Variants in ZNF469 observed in about 807,000 individuals in gnomAD.
ZNF469 encodes zinc finger protein 469.
A neutral mutation model predicts 1.0 loss-of-function variants in ZNF469; 1 was observed. The observed-to-expected ratio is 1.00, with a 90% CI of 0.35 to 4.73. ZNF469 has a LOEUF of 4.73. Among genes scored for constraint, ZNF469 ranks in the 30% most tolerant of loss-of-function variants. The pLI, the probability that ZNF469 is intolerant of heterozygous loss-of-function variation, is 0.16. For missense variants in ZNF469, 6,100 were observed against 5,356.3 expected (o/e 1.14, Z -4.33); for synonymous variants, 2,703 against 2,363.4 (o/e 1.14, Z -4.17).
chr16:88,139,703 C>A, the ZNF469 span, among the ~76,000 whole-genome samples: 1 of 151,910 alleles, frequency 6.6e-6, no homozygotes, highest in African/African-American at 2.4e-5. Context: ...ACCTTTTTGT[C>A]CCCTGGCCTG....
upstream of ZNF469, among the ~76,000 whole-genome samples, chr16:88,382,021 G>A (rs1306106864): frequency 6.6e-6 from 1 of 152,248 alleles, no homozygotes; most frequent in East Asian, 1.9e-4. Context: ...TTGTCTGAAG[G>A]ACTAATTCTG....
At chr16:88,398,934 C>G (rs982588073) in intron 1 of ZNF469, among the ~76,000 whole-genome samples, 4 of 152,226 alleles carry the variant, frequency 2.6e-5, no homozygotes, top group African/African-American at 7.2e-5. Context: ...ATTTCATCCC[C>G]ACAGCAAACC....
the ZNF469 span, among the ~76,000 whole-genome samples, chr16:88,311,749 T>C: frequency 6.6e-6 from 1 of 152,170 alleles, no homozygotes; most frequent in South Asian, 2.1e-4. Context: ...TGGCCCCAGG[T>C]TTTTGTGTCT....
rs1906053034 is a variant in ZNF469, at chr16:88,430,308, G to A, written c.2838G>A (p.Arg946=). The A allele has an allele frequency of 2.0e-6, 3 of 1,515,814 alleles. No individual in the cohort carries two copies. The highest frequency in any genetic ancestry group is 1.2e-5 in the South Asian group (1 of 81,030). The allele number at this position is 1,515,814 out of a possible 1,614,324, so 93.9% of individuals were successfully genotyped here. A position where few individuals can be genotyped will look rare whatever the true frequency, so the allele number is the denominator to read the frequency against. The change falls in exon 3 of 3, where the codon AGG becomes AGA. Residue 946 remains arginine, a synonymous_variant. Coordinates refer to ENST00000565624, the MANE Select transcript of ZNF469 (RefSeq NM_001367624.2). Reference sequence around the variant, plus strand: ...CGCCCAGCCAGGGCAGGCAGCAGAGGAGGGGGAAGCAGTTGAAGCTGTTCC... The same window carrying A: ...CGCCCAGCCAGGGCAGGCAGCAGAGAAGGGGGAAGCAGTTGAAGCTGTTCC... ...ADAPSQGRQQ[R]RGKQLKLFRK... is the part of the protein sequence containing the mutation.
At chr16:88,132,499 CA>C in the ZNF469 span, among the ~76,000 whole-genome samples, 7 of 152,376 alleles carry the variant, frequency 4.6e-5, no homozygotes, top group African/African-American at 1.7e-4. Context: ...TTCCCAACAA[CA>C]CGTGGCCGTC....
chr16:88,312,797 T>A, the ZNF469 span, among the ~76,000 whole-genome samples: 1 of 152,262 alleles, frequency 6.6e-6, no homozygotes, highest in Admixed American at 6.5e-5. Context: ...GTTCCACTGA[T>A]GGGTCCACCC....
chr16:88,119,044 C>T, the ZNF469 span, among the ~76,000 whole-genome samples: 1 of 152,168 alleles, frequency 6.6e-6, no homozygotes, highest in African/African-American at 2.4e-5. Context: ...TTTGTTTTTG[C>T]TCGTTTCAAA....
chr16:88,317,360 G>A, the ZNF469 span, among the ~76,000 whole-genome samples: 1 of 152,332 alleles, frequency 6.6e-6, no homozygotes, highest in Non-Finnish European at 1.5e-5. Context: ...TTCTTCTGCG[G>A]GTGAAACGTG....
At chr16:88,329,422 C>A in the ZNF469 span, among the ~76,000 whole-genome samples, 155 of 152,352 alleles carry the variant, frequency 1.0e-3, no homozygotes, top group African/African-American at 3.5e-3. Context: ...GCGGAAGCCC[C>A]CTCCAGGGGT....
chr16:88,153,962 C>T, the ZNF469 span, among the ~76,000 whole-genome samples: 2 of 151,902 alleles, frequency 1.3e-5, no homozygotes, highest in Non-Finnish European at 1.5e-5. Context: ...TCCTTAAAGG[C>T]CCCATCTTCA....
chr16:88,166,068 C>T, the ZNF469 span, among the ~76,000 whole-genome samples: 1 of 152,274 alleles, frequency 6.6e-6, no homozygotes, highest in South Asian at 2.1e-4. This position sits in a 1 kb window ranked among gnomAD's most constrained non-coding sequence, Gnocchi z 4.5. Context: ...GGAGGCCGAC[C>T]CTTGTCCCAC....
At chr16:88,219,422 T>G in the ZNF469 span, among the ~76,000 whole-genome samples, 1 of 134,432 alleles carries the variant, frequency 7.4e-6, no homozygotes, top group African/African-American at 2.9e-5. Flanking sequence ...AAAACAGAGA[T>G]ATAGATCAAT....
At chr16:88,204,271 C>G in the ZNF469 span, among the ~76,000 whole-genome samples, 12 of 152,230 alleles carry the variant, frequency 7.9e-5, no homozygotes, top group Admixed American at 3.9e-4. Context: ...CCCCATAGAG[C>G]AGCCGGAGGT....
the ZNF469 span, among the ~76,000 whole-genome samples, chr16:88,245,957 G>A: frequency 2.0e-5 from 3 of 152,290 alleles, no homozygotes; most frequent in South Asian, 6.2e-4. Flanking sequence ...CTCAGCAGCT[G>A]GAATGGTTGC....
chr16:88,168,017 G>A, the ZNF469 span, among the ~76,000 whole-genome samples: 5 of 152,240 alleles, frequency 3.3e-5, no homozygotes, highest in Admixed American at 6.5e-5. This position sits in a 1 kb window ranked among gnomAD's most constrained non-coding sequence, Gnocchi z 4.3. Context: ...CCCTCCACCC[G>A]CTTCGCGATG....
chr16:88,334,602 CTG>C, the ZNF469 span, among the ~76,000 whole-genome samples: 4 of 152,220 alleles, frequency 2.6e-5, no homozygotes, highest in South Asian at 2.1e-4. Flanking sequence ...AAAGGTCAAA[CTG>C]TGACCAATTC....
chr16:88,176,746 C>T, the ZNF469 span, among the ~76,000 whole-genome samples: 11 of 152,264 alleles, frequency 7.2e-5, no homozygotes, highest in East Asian at 1.9e-4. Context: ...CATACAGCCC[C>T]GGCCCCTGCC....
the ZNF469 span, among the ~76,000 whole-genome samples, chr16:88,211,876 C>A: frequency 1.3e-5 from 2 of 152,124 alleles, no homozygotes; most frequent in East Asian, 3.9e-4. Context: ...GGGAAGTTCA[C>A]CCAGCACCAT....
chr16:88,289,617 G>A, the ZNF469 span, among the ~76,000 whole-genome samples: 1 of 152,260 alleles, frequency 6.6e-6, no homozygotes, highest in East Asian at 1.9e-4. Flanking sequence ...TACAAATGAA[G>A]AAGCTGAGAG....
Sources: allele counts gnomAD v4.1 joint callset (sites outside exome capture counted in the v4.1 genomes callset), GRCh38; gene constraint gnomAD v4.1.1; non-coding constraint Gnocchi (gnomAD v3.1); transcripts MANE v1.5; gene names NCBI Gene and HGNC (gene_info 2026-07-23, HGNC 2026-07-21).